The following MAPK6 variants were observed in gnomAD, a reference collection of about 807,000 sequenced individuals.
MAPK6 encodes the protein mitogen-activated protein kinase 6.
Under a neutral mutation model 59.3 loss-of-function variants are expected in MAPK6, and 19 were observed. The ratio of observed to expected loss-of-function variants is 0.32; its 90% CI spans 0.22 to 0.47. The LOEUF is 0.47. MAPK6 is among the 20% of genes least tolerant of loss of function. The pLI is 1.00. For synonymous variants in MAPK6, 316 were observed against 290.3 expected, an observed-to-expected ratio of 1.09 and a Z score of -0.90; for missense variants, 724 against 847.9, an observed-to-expected ratio of 0.85 and a Z score of 1.81.
At chr15:52,060,343 G>T (rs2032151494) in intron 4 of MAPK6, among the ~76,000 whole-genome samples, 1 of 152,226 alleles carries the variant, frequency 6.6e-6, no homozygotes, top group African/African-American at 2.4e-5. Flanking sequence ...ATAAGAGGAT[G>T]TGTGAGTGAC....
intron 2 of MAPK6, among the ~76,000 whole-genome samples, chr15:52,048,476 G>C (rs1566910048): frequency 6.6e-6 from 1 of 151,994 alleles, no homozygotes; most frequent in Admixed American, 6.5e-5. Context: ...AATTAGCTGT[G>C]CCTGGTGGTG....
At chr15:52,044,832 A>G (rs2031547074) in intron 1 of MAPK6, among the ~76,000 whole-genome samples, 1 of 152,104 alleles carries the variant, frequency 6.6e-6, no homozygotes, top group African/African-American at 2.4e-5. Context: ...TTTTAAAATA[A>G]ATAACACATT....
chr15:51,983,189 T>G (rs571737405), intron 1 of MAPK6, among the ~76,000 whole-genome samples: 1 of 152,318 alleles, frequency 6.6e-6, no homozygotes, highest in East Asian at 1.9e-4. Context: ...ATATTAACCT[T>G]TAGAATTTTT....
chr15:52,065,229 C>G lies in MAPK6; in HGVS notation c.*229C>G, dbSNP rs2032369728. On this transcript the variant is annotated 3_prime_UTR_variant, in exon 6 of 6. Coordinates refer to ENST00000261845, the MANE Select transcript of MAPK6 (RefSeq NM_002748.4). ...AAATAAAGACTAGAGCAAAATAATG[C>G]AACGCAGGAGGAGAAAAGAAATGCA... is the stretch of plus-strand genomic sequence containing the variant. 7.1e-6 allele frequency: 3 copies of G among 422,370 alleles called. No individual in the cohort carries two copies. The East Asian group carries it at 1.2e-4, about 16-fold the overall frequency. 26.2% of individuals were successfully genotyped at this position (422,370 alleles called of 1,614,324 possible).
At chr15:52,063,650 T>TTTTG (rs2032296263) in intron 5 of MAPK6, among the ~76,000 whole-genome samples, 1 of 152,210 alleles carries the variant, frequency 6.6e-6, no homozygotes, top group South Asian at 2.1e-4. Flanking sequence ...CTATGAAGTC[T>TTTTG]TTTGTTTGCA....
Position 52,056,410 on chromosome 15 carries a change from G to C in MAPK6, c.701-2223G>C, listed in dbSNP as rs1354922511. On this transcript the variant is annotated intron_variant, in intron 3 of 5. Transcript: ENST00000261845. ...CCCTCAGCTACTGCCACATACTACTGTACTCGTTGGATGTAAAACTTCTCA... is the reference window on the plus strand; with the variant it reads ...CCCTCAGCTACTGCCACATACTACTCTACTCGTTGGATGTAAAACTTCTCA... Among the ~76,000 whole-genome samples, 4 of 151,810 alleles carry C rather than the reference G, an allele frequency of 2.6e-5. No homozygotes were observed. In the East Asian group the frequency reaches 7.7e-4, roughly 29 times the overall value.
At chr15:52,002,578 A>T (rs776873580) in intron 2 of MAPK6, among the ~76,000 whole-genome samples, 1 of 152,210 alleles carries the variant, frequency 6.6e-6, no homozygotes, top group Non-Finnish European at 1.5e-5. Context: ...GGTGAAGTTG[A>T]TCTGAGATGC....
chr15:52,020,260 G>A (rs1171194806), intron 1 of MAPK6, among the ~76,000 whole-genome samples: 2 of 152,244 alleles, frequency 1.3e-5, no homozygotes, highest in African/African-American at 4.8e-5. Context: ...CTTGGCGAGT[G>A]TAGGACCCAA....
chr15:52,022,249 T>A (rs1175779351), intron 1 of MAPK6, among the ~76,000 whole-genome samples: 1 of 152,210 alleles, frequency 6.6e-6, no homozygotes, highest in African/African-American at 2.4e-5. Flanking sequence ...TTGAGGAGTT[T>A]GTGGACAGTA....
At chr15:52,038,106 C>T (rs1049288894) in intron 1 of MAPK6, among the ~76,000 whole-genome samples, 1 of 150,452 alleles carries the variant, frequency 6.6e-6, no homozygotes, top group Non-Finnish European at 1.5e-5. Flanking sequence ...GAATCCACTA[C>T]ATGCCCCTGT....
rs2031589202 is a variant in MAPK6, at chr15:52,046,250, C to G, written c.-211C>G. 2 of 486,608 alleles carry G rather than the reference C, an allele frequency of 4.1e-6. No homozygotes were observed. The highest frequency in any genetic ancestry group is 7.2e-6 in the Non-Finnish European group (2 of 277,164). 30.1% of individuals were successfully genotyped at this position (486,608 alleles called of 1,614,324 possible). On this transcript the variant is annotated 5_prime_UTR_variant, in exon 2 of 6. Coordinates refer to ENST00000261845, the MANE Select transcript of MAPK6 (RefSeq NM_002748.4). ...TGAGTACTGCAATCTTTTTAATTCT[C>G]AATATGAATAGAGCTTTTTGAGCTT...
At chr15:51,990,966 C>G (rs940845366) in intron 2 of MAPK6, among the ~76,000 whole-genome samples, 1 of 151,454 alleles carries the variant, frequency 6.6e-6, no homozygotes, top group Non-Finnish European at 1.5e-5. Flanking sequence ...AACAAACAAA[C>G]AAACAAACAA....
chr15:51,977,081 G>A (rs1209485672), intron 1 of MAPK6, among the ~76,000 whole-genome samples: 2 of 151,222 alleles, frequency 1.3e-5, no homozygotes, highest in East Asian at 3.9e-4. Context: ...TTGGCTCACT[G>A]CAACCTCTGC....
chr15:51,981,192 G>C (rs534870429), intron 1 of MAPK6, among the ~76,000 whole-genome samples: 1 of 151,668 alleles, frequency 6.6e-6, no homozygotes, highest in East Asian at 1.9e-4. Context: ...CAGACTTATC[G>C]GCCGGGTGCG....
chr15:52,052,179 A>G (rs2031805172), intron 3 of MAPK6, among the ~76,000 whole-genome samples: 1 of 152,150 alleles, frequency 6.6e-6, no homozygotes, highest in African/African-American at 2.4e-5. Context: ...CTCAGTCAAG[A>G]TGTTGGTAAG....
At chr15:51,995,893 A>G (rs142301279) in intron 2 of MAPK6, among the ~76,000 whole-genome samples, 107 of 151,666 alleles carry the variant, frequency 7.1e-4, no homozygotes, top group Middle Eastern at 3.4e-3. Flanking sequence ...ACAGCACTAC[A>G]CTCCAGCCTG....
upstream of MAPK6, among the ~76,000 whole-genome samples, chr15:52,016,070 G>GCGCGCGCGCGCGCGCA: frequency 1.3e-4 from 7 of 55,392 alleles, no homozygotes; most frequent in East Asian, 5.6e-4. Context: ...GCGCGCGCGC[G>GCGCGCGCGCGCGCGCA]CACACACACA....
In MAPK6 at chr15:52,064,962, C is replaced by T; in HGVS notation, c.2128C>T (p.His710Tyr). ...TATGAAATCTTCCCCTCAAATTCCT[C>T]ATCAAACATACAGCAGCATTCTGAA... ...SAMKSSPQIP[H>Y]QTYSSILKHL... Residue 710 changes from histidine (H) to tyrosine (Y), a missense_variant, in exon 6 of 6, where the codon CAT becomes TAT. Physicochemically the swap from His to Tyr is moderately conservative, Grantham distance 83 (BLOSUM62 2). Coordinates refer to ENST00000261845, the MANE Select transcript of MAPK6 (RefSeq NM_002748.4). 2 of 1,611,480 alleles carry T rather than the reference C, an allele frequency of 1.2e-6. No homozygotes were observed. The highest frequency in any genetic ancestry group is 8.5e-7 in the Non-Finnish European group (1 of 1,179,404).
At chr15:52,057,580 T>C (rs1340884356) in intron 3 of MAPK6, among the ~76,000 whole-genome samples, 2 of 151,448 alleles carry the variant, frequency 1.3e-5, no homozygotes, top group African/African-American at 2.4e-5. Context: ...AATGTCTTAT[T>C]GTTGCCCAGG....
Sources: gnomAD v4.1 joint callset for allele counts (sites outside exome capture counted in the v4.1 genomes callset) on GRCh38, gnomAD v4.1.1 for gene constraint, MANE v1.5 for transcripts, NCBI Gene and HGNC (gene_info 2026-07-23, HGNC 2026-07-21) for gene names.